SLIT1: variants seen among roughly 807,000 people sequenced by gnomAD.
SLIT1 encodes slit homolog 1 protein.
In SLIT1, 66 loss-of-function variants were observed where a neutral mutation model predicts 186.1. That is an observed-to-expected ratio of 0.35 (90% CI 0.29 to 0.44). The LOEUF (loss-of-function observed/expected upper bound fraction) is 0.44, where lower values mean the gene tolerates loss of function less well. SLIT1 is among the 20% of genes least tolerant of loss of function. The pLI is 1.00. For synonymous variants in SLIT1, 761 were observed against 833.8 expected, an observed-to-expected ratio of 0.91 and a Z score of 1.50; for missense variants, 1,638 against 2,037.4, an observed-to-expected ratio of 0.80 and a Z score of 3.77.
In SLIT1 at chr10:97,011,263, G is replaced by T. The variant is rs1481572035; in HGVS notation, c.3204-133C>A. On this transcript the variant is annotated intron_variant, in intron 30 of 36. Coordinates refer to ENST00000266058, the MANE Select transcript of SLIT1 (RefSeq NM_003061.3). The stretch of plus-strand genomic sequence containing the variant: ...CCTCAAGTTCCATTGAGGCTGTGGG[G>T]ATCTCCAGGAGGTCACACAGAGCTC... The T allele has an allele frequency of 1.1e-5, 7 of 665,262 alleles. No homozygotes were observed. The African/African-American group carries it at 1.3e-4, about 12-fold the overall frequency. 41.2% of individuals were successfully genotyped at this position (665,262 alleles called of 1,614,324 possible). A position where few individuals can be genotyped will look rare whatever the true frequency, so the allele number is the denominator to read the frequency against.
At chr10:97,166,492 G>C (rs1643649060) in intron 1 of SLIT1, among the ~76,000 whole-genome samples, 1 of 146,372 alleles carries the variant, frequency 6.8e-6, no homozygotes, top group Non-Finnish European at 1.5e-5. Context: ...CTCCAGCCTG[G>C]GCAACAAGAA....
chr10:97,036,429 G>A (rs146509246), intron 22 of SLIT1, among the ~76,000 whole-genome samples: 1 of 152,262 alleles, frequency 6.6e-6, no homozygotes, highest in East Asian at 1.9e-4. Flanking sequence ...CAGATAAATT[G>A]GAGCTTCAAA....
Position 97,185,567 on chromosome 10 carries a change from G to A in SLIT1, c.108C>T (p.Ala36=). The A allele has an allele frequency of 6.2e-7, 1 of 1,609,116 alleles. No individual in the cohort carries two copies. The highest frequency in any genetic ancestry group is 2.2e-5 in the East Asian group (1 of 44,712). Residue 36 remains alanine, a synonymous_variant, in exon 1 of 37, where the codon GCC becomes GCT. Transcript: ENST00000266058. The part of the protein sequence containing the change: ...AWRLGASACP[A]LCTCTGTTVD... ...CCGTGGTTCCGGTGCAGGTGCAGAGGGCGGGGCACGCCGAGGCACCCAGGC... is the reference window on the plus strand; with the variant it reads ...CCGTGGTTCCGGTGCAGGTGCAGAGAGCGGGGCACGCCGAGGCACCCAGGC...
intron 13 of SLIT1, among the ~76,000 whole-genome samples, chr10:97,051,331 A>T (rs1304258862): frequency 6.6e-6 from 1 of 152,184 alleles, no homozygotes; most frequent in Non-Finnish European, 1.5e-5. Context: ...GAGCCCTCAT[A>T]ATACACCACT....
chr10:97,111,719 T>C (rs902932469), intron 4 of SLIT1, among the ~76,000 whole-genome samples: 4 of 152,244 alleles, frequency 2.6e-5, no homozygotes, highest in Admixed American at 1.3e-4. Flanking sequence ...GGGCTTTTGC[T>C]GCTGGAGCCT....
chr10:97,004,252 G>A lies in SLIT1; in HGVS notation c.3711-30C>T. ...AGGAAGAGGGGGTTCCCCGTTCCAG[G>A]GAGTGGGCATCAGTCTGGACCATCC... On this transcript the variant is annotated intron_variant, in intron 33 of 36. Transcript: ENST00000266058. This position sits in a 1 kb window ranked among gnomAD's most constrained non-coding sequence, Gnocchi z 5.1. 6.3e-7 allele frequency: 1 copy of A among 1,589,716 alleles called. No homozygotes were observed. The highest frequency in any genetic ancestry group is 8.6e-7 in the Non-Finnish European group (1 of 1,160,940).
rs957336756 is a variant in SLIT1, at chr10:97,133,962, T to C, written c.413+23856A>G. Among the ~76,000 whole-genome samples, 5 of 152,306 alleles carry C rather than the reference T, an allele frequency of 3.3e-5. No individual in the cohort carries two copies. In the East Asian group the frequency reaches 9.6e-4, roughly 29 times the overall value. On this transcript the variant is annotated intron_variant, in intron 4 of 36. Transcript: ENST00000266058. The stretch of plus-strand genomic sequence containing the variant: ...TACCCTTGCTATTGGATTTGGATTG[T>C]TTCTTTGCTATGACTGTGCTGCTGG...
chr10:97,014,127 T>C lies in SLIT1; in HGVS notation c.3001A>G (p.Thr1001Ala). The C allele has an allele frequency of 1.2e-6, 2 of 1,613,940 alleles. No homozygotes were observed. The highest frequency in any genetic ancestry group is 1.7e-6 in the Non-Finnish European group (2 of 1,179,996). The change falls in exon 29 of 37, where the codon ACC becomes GCC. Residue 1001 changes from threonine to alanine, a missense_variant. By Grantham distance (58) the Thr-to-Ala change is moderately conservative. Transcript: ENST00000266058. ...CSCPTGFEGP[T>A]CGVNTDDCVD... ...CAGTCATCTGTGTTCACCCCACAGG[T>C]TGGTCCTTCAAAGCCGGTGGGACAG...
In SLIT1 at chr10:97,042,889, G is replaced by A; in HGVS notation, c.2164+12C>T. On this transcript the variant is annotated intron_variant, in intron 20 of 36. Coordinates refer to ENST00000266058, the MANE Select transcript of SLIT1 (RefSeq NM_003061.3). ...GCGCCCTCTCCCTTGCCACCGGGGG[G>A]CCACGAGTTACCTTCCTCACACCTG... 4.3e-6 allele frequency: 7 copies of A among 1,612,070 alleles called. No individual in the cohort carries two copies. The highest frequency in any genetic ancestry group is 1.3e-5 in the African/African-American group (1 of 75,018).
At position 97,167,757 on chromosome 10, in the gene SLIT1, A is replaced by C. The variant is rs140382880; in HGVS notation, c.198-2867T>G. On this transcript the variant is annotated intron_variant, in intron 1 of 36. Coordinates refer to ENST00000266058, the MANE Select transcript of SLIT1 (RefSeq NM_003061.3). Reference sequence around the variant, plus strand: ...GGAGCCGGTGGGAGGTAATTGAATCATCTGGGTAGGTCTTTCCCATGCTGT... The same window carrying C: ...GGAGCCGGTGGGAGGTAATTGAATCCTCTGGGTAGGTCTTTCCCATGCTGT... Among the ~76,000 whole-genome samples the C allele has an allele frequency of 3.3e-4, 50 of 152,330 alleles. 4 individuals carry two copies. The East Asian group carries it at 9.6e-3, about 29-fold the overall frequency.
rs530820034 is a variant in SLIT1, at chr10:97,158,577, G to A, written c.342-688C>T. ...CTCGGGAGGCTGAGGCAGGAGAATC[G>A]CTTGAACTCAGGAGACGGAGGTTGC... On this transcript the variant is annotated intron_variant, in intron 3 of 36. Transcript: ENST00000266058. Among the ~76,000 whole-genome samples, 21 of 146,792 alleles carry A rather than the reference G, an allele frequency of 1.4e-4. No homozygotes were observed. The East Asian group carries it at 2.8e-3, about 20-fold the overall frequency.
chr10:97,064,133 G>A (rs771987890), intron 7 of SLIT1, 35 bp downstream of exon 7: 9 of 1,572,310 alleles, frequency 5.7e-6, no homozygotes, highest in Middle Eastern at 3.5e-4. Context: ...AACCGGGCTT[G>A]GCTGCCCCGC....
At chr10:97,164,413 C>G (rs1474509851) in intron 2 of SLIT1, among the ~76,000 whole-genome samples, 5 of 152,162 alleles carry the variant, frequency 3.3e-5, no homozygotes, top group Non-Finnish European at 7.3e-5. Flanking sequence ...TGGGCCTCCC[C>G]AGACTCAGAA....
intron 25 of SLIT1, among the ~76,000 whole-genome samples, chr10:97,027,559 A>G (rs1848556720): frequency 6.6e-6 from 1 of 152,252 alleles, no homozygotes; most frequent in Non-Finnish European, 1.5e-5. Flanking sequence ...TAATAAACAC[A>G]TCTAATCAGT....
At chr10:97,105,404 T>C (rs1849403335) in intron 4 of SLIT1, among the ~76,000 whole-genome samples, 1 of 152,094 alleles carries the variant, frequency 6.6e-6, no homozygotes, top group Non-Finnish European at 1.5e-5. Context: ...CACACATAAA[T>C]GAGGCCCCAG....
At chr10:97,059,942 G>C in intron 10 of SLIT1, 145 bp downstream of exon 10, 1 of 739,728 alleles carries the variant, frequency 1.4e-6, no homozygotes, top group Non-Finnish European at 2.5e-6. Context: ...CAGCCAAGCA[G>C]CCTGAAGGGC....
intron 7 of SLIT1, 147 bp downstream of exon 7, chr10:97,064,021 G>A: frequency 1.5e-6 from 1 of 679,720 alleles, no homozygotes; most frequent in Non-Finnish European, 2.6e-6. Flanking sequence ...CCGAGAGCAT[G>A]AAGCCCCCAG....
At chr10:97,066,375 G>A (rs1310907949) in intron 4 of SLIT1, among the ~76,000 whole-genome samples, 1 of 152,192 alleles carries the variant, frequency 6.6e-6, no homozygotes, top group Non-Finnish European at 1.5e-5. Flanking sequence ...GGAGAAGCCT[G>A]GGGCAGCTAC....
At chr10:97,176,892 C>T (rs1223499206) in intron 1 of SLIT1, among the ~76,000 whole-genome samples, 1 of 152,228 alleles carries the variant, frequency 6.6e-6, no homozygotes, top group African/African-American at 2.4e-5. Context: ...AACACCTTCC[C>T]TTCCTCCTGC....
Sources: gnomAD v4.1 joint callset for allele counts (sites outside exome capture counted in the v4.1 genomes callset) on GRCh38, gnomAD v4.1.1 for gene constraint, Gnocchi (gnomAD v3.1) non-coding constraint, MANE v1.5 for transcripts, NCBI Gene and HGNC (gene_info 2026-07-23, HGNC 2026-07-21) for gene names.